LHFPL3: variants seen among roughly 807,000 people sequenced by gnomAD.
LHFPL3 encodes the protein LHFPL tetraspan subfamily member 3, also known as LHFPL tetraspan subfamily member 3 protein.
LHFPL3 carries 5 observed loss-of-function variants against 19.3 expected under a neutral mutation model. The ratio of observed to expected loss-of-function variants is 0.26; its 90% CI spans 0.14 to 0.54. The LOEUF (loss-of-function observed/expected upper bound fraction) is 0.54. LHFPL3 is among the 20% of genes least tolerant of loss of function. LHFPL3 has a pLI of 0.94. For synonymous variants in LHFPL3, 133 were observed against 126.2 expected (o/e 1.05, Z -0.36); for missense variants, 249 against 307.4 (o/e 0.81, Z 1.42).
intron 1 of LHFPL3, among the ~76,000 whole-genome samples, chr7:104,680,383 G>A (rs1208115637): frequency 6.6e-6 from 1 of 152,164 alleles, no homozygotes; most frequent in African/African-American, 2.4e-5. Flanking sequence ...AACGGGCTTT[G>A]TCAGCCCTCT....
chr7:104,691,085 G>A (rs577231280), intron 1 of LHFPL3, among the ~76,000 whole-genome samples: 5 of 152,330 alleles, frequency 3.3e-5, no homozygotes, highest in African/African-American at 1.2e-4. Context: ...ACTTGGCTTT[G>A]ATAGAAACTG....
chr7:104,778,782 C>A (rs538357960), intron 2 of LHFPL3, among the ~76,000 whole-genome samples: 1 of 152,338 alleles, frequency 6.6e-6, no homozygotes, highest in South Asian at 2.1e-4. Flanking sequence ...GCAACACTTA[C>A]ACACTGTCAT....
chr7:104,631,350 C>A (rs1791638280), intron 1 of LHFPL3, among the ~76,000 whole-genome samples: 1 of 152,068 alleles, frequency 6.6e-6, no homozygotes, highest in Admixed American at 6.6e-5. Flanking sequence ...CTATGTCCCC[C>A]CAACCCAACT....
intron 2 of LHFPL3, among the ~76,000 whole-genome samples, chr7:104,775,933 C>T (rs1317548714): frequency 6.6e-6 from 1 of 151,292 alleles, no homozygotes; most frequent in Non-Finnish European, 1.5e-5. Flanking sequence ...CATGTGTACT[C>T]TCTAAAATGC....
intron 2 of LHFPL3, among the ~76,000 whole-genome samples, chr7:104,753,741 G>A (rs1426797736): frequency 6.6e-6 from 1 of 152,080 alleles, no homozygotes; most frequent in African/African-American, 2.4e-5. Context: ...AGCAGATTAT[G>A]AATAGGTAAT....
intron 2 of LHFPL3, among the ~76,000 whole-genome samples, chr7:104,775,851 T>A (rs1180708717): frequency 1.6e-5 from 1 of 60,716 alleles, no homozygotes; most frequent in Non-Finnish European, 3.7e-5. Flanking sequence ...TTCTTTTCTG[T>A]CTTTTTTTTT....
At chr7:104,417,593 T>C (rs1214372195) in intron 1 of LHFPL3, among the ~76,000 whole-genome samples, 2 of 152,210 alleles carry the variant, frequency 1.3e-5, no homozygotes, top group African/African-American at 4.8e-5. Flanking sequence ...TAGGTATTAG[T>C]CTTTAGAGGC....
intron 1 of LHFPL3, among the ~76,000 whole-genome samples, chr7:104,354,965 T>G (rs896393912): frequency 1.3e-5 from 2 of 152,238 alleles, no homozygotes; most frequent in Non-Finnish European, 2.9e-5. Flanking sequence ...TGTGTATATT[T>G]AACAATGAAA....
chr7:104,504,456 C>T (rs374279995), intron 1 of LHFPL3, among the ~76,000 whole-genome samples: 7 of 152,140 alleles, frequency 4.6e-5, no homozygotes, highest in African/African-American at 1.4e-4. Flanking sequence ...TCCCTTATGA[C>T]ATTAAATTAC....
chr7:104,415,813 A>G (rs1791609383), intron 1 of LHFPL3, among the ~76,000 whole-genome samples: 1 of 152,222 alleles, frequency 6.6e-6, no homozygotes, highest in African/African-American at 2.4e-5. Context: ...AGCTTCTACT[A>G]GAATGTTCGG....
intron 1 of LHFPL3, among the ~76,000 whole-genome samples, chr7:104,492,449 G>A (rs570243528): frequency 5.0e-4 from 76 of 152,258 alleles, no homozygotes; most frequent in South Asian, 3.1e-3. Context: ...TGTCAGACCC[G>A]GGACCATGTT....
chr7:104,482,033 G>T (rs1584350357), intron 1 of LHFPL3, among the ~76,000 whole-genome samples: 1 of 152,120 alleles, frequency 6.6e-6, no homozygotes, highest in South Asian at 2.1e-4. Context: ...TTATTGGCTT[G>T]CCTTAGTGAT....
chr7:104,712,901 T>C (rs1412428227), intron 1 of LHFPL3, among the ~76,000 whole-genome samples: 2 of 152,220 alleles, frequency 1.3e-5, no homozygotes, highest in African/African-American at 4.8e-5. Context: ...AACCACAATT[T>C]GTCCCAAATA....
chr7:104,791,600 C>T (rs58902803), intron 2 of LHFPL3, among the ~76,000 whole-genome samples: 30,881 of 152,050 alleles, frequency 0.2, 4,177 homozygotes, highest in East Asian at 0.72. Context: ...ACAATGTTAA[C>T]GACTAAAATT....
intron 1 of LHFPL3, among the ~76,000 whole-genome samples, chr7:104,606,494 A>G (rs1336249282): frequency 6.6e-6 from 1 of 152,160 alleles, no homozygotes; most frequent in Non-Finnish European, 1.5e-5. Context: ...TTTGAAACTT[A>G]GGTTTCGGTA....
intron 1 of LHFPL3, among the ~76,000 whole-genome samples, chr7:104,506,582 A>T (rs1793703316): frequency 6.6e-6 from 1 of 152,246 alleles, no homozygotes; most frequent in Non-Finnish European, 1.5e-5. Flanking sequence ...AGATACATGT[A>T]ATCTCACTTG....
chr7:104,584,026 T>C (rs1790514373), intron 1 of LHFPL3, among the ~76,000 whole-genome samples: 1 of 152,028 alleles, frequency 6.6e-6, no homozygotes, highest in Non-Finnish European at 1.5e-5. Context: ...TATTGCAGCA[T>C]TATTCACAAT....
intron 1 of LHFPL3, among the ~76,000 whole-genome samples, chr7:104,693,067 G>C (rs1029790430): frequency 2.0e-5 from 3 of 152,242 alleles, no homozygotes; most frequent in African/African-American, 7.2e-5. Flanking sequence ...TGTGAGACAT[G>C]AAGTCAAAGG....
At chr7:104,559,815 G>C (rs1260004373) in intron 1 of LHFPL3, among the ~76,000 whole-genome samples, 2 of 148,862 alleles carry the variant, frequency 1.3e-5, no homozygotes, top group African/African-American at 2.6e-5. Context: ...TTGGCTGTGG[G>C]TTTGTCATAG....
Sources: gnomAD v4.1 joint callset for allele counts (sites outside exome capture counted in the v4.1 genomes callset) on GRCh38, gnomAD v4.1.1 for gene constraint, MANE v1.5 for transcripts, NCBI Gene and HGNC (gene_info 2026-07-23, HGNC 2026-07-21) for gene names.